IL34: variants seen among roughly 807,000 people sequenced by gnomAD.
The protein encoded by IL34 is interleukin 34, also known as interleukin-34.
Under a neutral mutation model 25.3 loss-of-function variants are expected in IL34, and 17 were observed. That is an observed-to-expected ratio of 0.67 (90% CI 0.46 to 1.01). The LOEUF is 1.01. IL34 is among the 50% of genes least tolerant of loss of function. The pLI, the probability that IL34 is intolerant of heterozygous loss-of-function variation, is 0.00. For synonymous variants in IL34, 174 were observed against 140.9 expected (o/e 1.23, Z -1.66); for missense variants, 368 against 312.9 (o/e 1.18, Z -1.33).
Position 70,656,626 on chromosome 16 carries a change from A to G in IL34, c.187A>G (p.Lys63Glu). 1.4e-6 allele frequency: 2 copies of G among 1,431,366 alleles called. No individual in the cohort carries two copies. The highest frequency in any genetic ancestry group is 2.0e-6 in the Non-Finnish European group (2 of 1,013,064). The allele number at this position is 1,431,366 out of a possible 1,614,324, so 88.7% of individuals were successfully genotyped here. ...YMKHYFPINYKISVPYEGVFR... is the reference protein window; with the variant it reads ...YMKHYFPINYEISVPYEGVFR... ...GAAACACTACTTCCCCATCAACTACAAGATCAGTGTGCCTTACGAGGGGGT... is the reference window on the plus strand; with the variant it reads ...GAAACACTACTTCCCCATCAACTACGAGATCAGTGTGCCTTACGAGGGGGT... Residue 63 changes from lysine to glutamate, a missense_variant, in exon 3 of 6, where the codon AAG (lysine) becomes GAG (glutamate). By Grantham distance (56) the Lys-to-Glu change is moderately conservative. Coordinates refer to ENST00000288098, the MANE Select transcript of IL34 (RefSeq NM_001393494.1).
intron 2 of IL34, 52 bp downstream of exon 2, chr16:70,654,723 C>G (rs1293924332): frequency 1.3e-6 from 2 of 1,555,636 alleles, no homozygotes; most frequent in Admixed American, 3.5e-5. Context: ...CGGGGTTCAC[C>G]TGGCATAGGC....
At chr16:70,638,835 G>T (rs549991795) in intron 1 of IL34, among the ~76,000 whole-genome samples, 2 of 152,146 alleles carry the variant, frequency 1.3e-5, no homozygotes, top group Non-Finnish European at 2.9e-5. Context: ...TCTTGCCTCA[G>T]CCTCCGAAAA....
intron 1 of IL34, among the ~76,000 whole-genome samples, chr16:70,627,349 T>A (rs1043127002): frequency 3.9e-5 from 6 of 152,046 alleles, no homozygotes; most frequent in African/African-American, 1.4e-4. Context: ...CCCTTGCAAC[T>A]ATTACCAGCG....
chr16:70,601,571 T>G (rs1029629757), intron 1 of IL34, among the ~76,000 whole-genome samples: 2 of 152,148 alleles, frequency 1.3e-5, no homozygotes, highest in Non-Finnish European at 2.9e-5. Flanking sequence ...GCTATTTTTT[T>G]GTATGTTTAG....
chr16:70,595,839 C>G (rs961521854), intron 1 of IL34, among the ~76,000 whole-genome samples: 1 of 151,356 alleles, frequency 6.6e-6, no homozygotes, highest in African/African-American at 2.4e-5. Context: ...TGGTGAAACC[C>G]CATTTCTACT....
At chr16:70,635,430 G>C (rs2051619227) in intron 1 of IL34, among the ~76,000 whole-genome samples, 1 of 152,180 alleles carries the variant, frequency 6.6e-6, no homozygotes, top group Non-Finnish European at 1.5e-5. Flanking sequence ...AGGCCTGTTG[G>C]AGGCCCTTTG....
intron 1 of IL34, among the ~76,000 whole-genome samples, chr16:70,634,976 T>A (rs1464548612): frequency 2.0e-5 from 3 of 152,204 alleles, no homozygotes; most frequent in Non-Finnish European, 4.4e-5. Context: ...ATACGTCCAG[T>A]CTTCTGTTGG....
chr16:70,632,632 G>A (rs1352113463), intron 1 of IL34, among the ~76,000 whole-genome samples: 1 of 152,142 alleles, frequency 6.6e-6, no homozygotes, highest in African/African-American at 2.4e-5. Flanking sequence ...GGGTCTCTGG[G>A]GTGGTGCTGC....
At chr16:70,593,137 T>C in intron 1 of IL34, among the ~76,000 whole-genome samples, 1 of 152,166 alleles carries the variant, frequency 6.6e-6, no homozygotes, top group Non-Finnish European at 1.5e-5. Flanking sequence ...CTATTGTCCA[T>C]TTTTTAACTG....
At chr16:70,622,909 C>T (rs946378539) in intron 1 of IL34, among the ~76,000 whole-genome samples, 5 of 152,066 alleles carry the variant, frequency 3.3e-5, no homozygotes, top group Non-Finnish European at 7.4e-5. Context: ...TAGGCTAAAA[C>T]ATTAAGGTCA....
At chr16:70,587,806 A>T (rs2050712382) in intron 1 of IL34, among the ~76,000 whole-genome samples, 1 of 152,082 alleles carries the variant, frequency 6.6e-6, no homozygotes, top group South Asian at 2.1e-4. Context: ...TGGGAGGCCG[A>T]GGCGAGCAGA....
At chr16:70,609,185 C>G (rs545299210) in intron 1 of IL34, among the ~76,000 whole-genome samples, 1 of 152,176 alleles carries the variant, frequency 6.6e-6, no homozygotes, top group South Asian at 2.1e-4. Flanking sequence ...TCAAGCAATT[C>G]TCCCTGCCTC....
At chr16:70,637,280 A>C (rs891517842) in intron 1 of IL34, among the ~76,000 whole-genome samples, 1 of 152,208 alleles carries the variant, frequency 6.6e-6, no homozygotes, top group African/African-American at 2.4e-5. Flanking sequence ...ATAAGAATCA[A>C]ATCAAAGTTA....
chr16:70,649,251 C>T (rs771633944), intron 1 of IL34, among the ~76,000 whole-genome samples: 5 of 152,224 alleles, frequency 3.3e-5, no homozygotes, highest in South Asian at 4.1e-4. Flanking sequence ...CCAGAGGAAG[C>T]GTACTGAGGA....
At chr16:70,651,762 T>TA (rs10713010) in intron 1 of IL34, among the ~76,000 whole-genome samples, 1,687 of 143,508 alleles carry the variant, frequency 0.012, 14 homozygotes, top group Non-Finnish European at 0.017. Context: ...ACTGCTTTTG[T>TA]AAAAAAAAAA....
chr16:70,650,659 C>G (rs751124466), intron 1 of IL34, among the ~76,000 whole-genome samples: 43 of 152,176 alleles, frequency 2.8e-4, no homozygotes, highest in Non-Finnish European at 5.0e-4. Context: ...CCAGAGGTGG[C>G]TCTCGGGACA....
At chr16:70,609,057 T>A (rs2051052898) in intron 1 of IL34, among the ~76,000 whole-genome samples, 2 of 152,088 alleles carry the variant, frequency 1.3e-5, no homozygotes, top group East Asian at 3.8e-4. Context: ...TTTTTATTTA[T>A]TTTTTAAAAA....
chr16:70,625,617 G>A lies in IL34; in HGVS notation c.-400-20931G>A, dbSNP rs935230833. On this transcript the variant is annotated intron_variant, in intron 1 of 6. Transcript: ENST00000429149. ...CTGCGTGGTCTGACACCTTTGAAAC[G>A]TGGGTGAATAATCAGAGAGGTGTCC... Among the ~76,000 whole-genome samples, 9 of 152,094 alleles carry A rather than the reference G, an allele frequency of 5.9e-5. No homozygotes were observed. In the East Asian group the frequency reaches 7.7e-4, roughly 13 times the overall value.
chr16:70,625,771 A>C (rs1298537624), intron 1 of IL34, among the ~76,000 whole-genome samples: 1 of 152,200 alleles, frequency 6.6e-6, no homozygotes, highest in Non-Finnish European at 1.5e-5. Context: ...AATTAAGAGA[A>C]GGGAGAGATT....
Sources: allele counts gnomAD v4.1 joint callset (sites outside exome capture counted in the v4.1 genomes callset), GRCh38; gene constraint gnomAD v4.1.1; transcripts MANE v1.5; gene names NCBI Gene and HGNC (gene_info 2026-07-23, HGNC 2026-07-21).